The following PARD3 variants were observed in gnomAD, a reference collection of about 807,000 sequenced individuals.
The protein encoded by PARD3 is partitioning defective 3 homolog.
In PARD3, 75 loss-of-function variants were observed where a neutral mutation model predicts 155.4. The observed-to-expected ratio is 0.48, with a 90% CI of 0.40 to 0.58. The LOEUF (loss-of-function observed/expected upper bound fraction) is 0.58, where lower values mean the gene tolerates loss of function less well. Ranked by LOEUF, PARD3 falls within the 20% of genes least tolerant of loss-of-function variation. The probability of loss-of-function intolerance (pLI) is 0.00; values close to 1 mark genes in which losing one functional copy is unlikely to be tolerated. For missense variants in PARD3, 1,642 were observed against 1,721.7 expected, an observed-to-expected ratio of 0.95 and a Z score of 0.82; for synonymous variants, 576 against 610.5, an observed-to-expected ratio of 0.94 and a Z score of 0.83.
chr10:34,774,761 CAT>C (rs1422330662), intron 1 of PARD3, among the ~76,000 whole-genome samples: 4 of 152,308 alleles, frequency 2.6e-5, no homozygotes, highest in East Asian at 1.9e-4. Context: ...CCTGCATGCA[CAT>C]ATGTCATTGC....
At chr10:34,442,290 C>A (rs1342788571) in intron 5 of PARD3, among the ~76,000 whole-genome samples, 3 of 152,200 alleles carry the variant, frequency 2.0e-5, no homozygotes, top group Non-Finnish European at 4.4e-5. Flanking sequence ...TTAAGTCTCA[C>A]CAATGATGGC....
chr10:34,448,130 A>G (rs927733074), intron 5 of PARD3, among the ~76,000 whole-genome samples: 1 of 121,704 alleles, frequency 8.2e-6, no homozygotes, highest in Non-Finnish European at 1.7e-5. Context: ...TGTGATATAC[A>G]CTGCGTGTGT....
chr10:34,125,278 G>T (rs543889859), intron 23 of PARD3, among the ~76,000 whole-genome samples: 1 of 152,150 alleles, frequency 6.6e-6, no homozygotes, highest in East Asian at 1.9e-4. Context: ...TGTTGGCCAG[G>T]CTGGTCTTGA....
intron 22 of PARD3, among the ~76,000 whole-genome samples, chr10:34,179,716 C>A (rs1272522608): frequency 2.0e-5 from 3 of 152,090 alleles, no homozygotes; most frequent in African/African-American, 4.8e-5. Flanking sequence ...CATGCATATT[C>A]AGGTTTATGA....
At chr10:34,557,346 A>T (rs1041606219) in intron 2 of PARD3, among the ~76,000 whole-genome samples, 10 of 152,144 alleles carry the variant, frequency 6.6e-5, no homozygotes, top group Non-Finnish European at 1.5e-4. Context: ...ATCAAACAGA[A>T]TAACTAGAAA....
intron 2 of PARD3, among the ~76,000 whole-genome samples, chr10:34,569,150 T>C (rs1051336084): frequency 2.6e-5 from 4 of 152,136 alleles, no homozygotes; most frequent in African/African-American, 4.8e-5. Flanking sequence ...CAGACAACAT[T>C]AGCCAAATAC....
At chr10:34,806,634 C>T (rs114598512) in intron 1 of PARD3, among the ~76,000 whole-genome samples, 3 of 152,210 alleles carry the variant, frequency 2.0e-5, no homozygotes, top group African/African-American at 7.2e-5. Flanking sequence ...CCCAGCCAAC[C>T]CTAAGCAAAA....
At chr10:34,247,254 C>T (rs1396863905) in intron 22 of PARD3, among the ~76,000 whole-genome samples, 1 of 152,172 alleles carries the variant, frequency 6.6e-6, no homozygotes, top group Non-Finnish European at 1.5e-5. Context: ...GTAATCCCAG[C>T]ACTGTGGGAG....
intron 22 of PARD3, among the ~76,000 whole-genome samples, chr10:34,141,207 T>C (rs1948171649): frequency 6.6e-6 from 1 of 152,218 alleles, no homozygotes; most frequent in Non-Finnish European, 1.5e-5. Context: ...TATGTATACA[T>C]GTGAAATTAA....
At chr10:34,225,684 T>C (rs1453979582) in intron 22 of PARD3, among the ~76,000 whole-genome samples, 1 of 152,148 alleles carries the variant, frequency 6.6e-6, no homozygotes, top group Non-Finnish European at 1.5e-5. Flanking sequence ...AACATACACA[T>C]GCGAGCAAGA....
chr10:34,752,943 G>A (rs1422117190), intron 1 of PARD3, among the ~76,000 whole-genome samples: 1 of 140,092 alleles, frequency 7.1e-6, no homozygotes, highest in Non-Finnish European at 1.6e-5. Context: ...CAAAGTCTGA[G>A]TGGAAATTCT....
chr10:34,346,328 T>C (rs1837421099), intron 15 of PARD3: 14 of 1,270,444 alleles, frequency 1.1e-5, no homozygotes, highest in Non-Finnish European at 1.4e-5. Context: ...AGGGATTTTT[T>C]TGGTTTGAGT....
chr10:34,668,072 G>C (rs976974114), intron 2 of PARD3, among the ~76,000 whole-genome samples: 12 of 152,028 alleles, frequency 7.9e-5, no homozygotes, highest in African/African-American at 2.7e-4. Flanking sequence ...TGGTCAAGGT[G>C]GAAAAATAAG....
chr10:34,546,136 T>G (rs1399826859), intron 2 of PARD3, among the ~76,000 whole-genome samples: 1 of 152,198 alleles, frequency 6.6e-6, no homozygotes, highest in Non-Finnish European at 1.5e-5. Context: ...TACCAACATA[T>G]AGTAACTATT....
intron 3 of PARD3, among the ~76,000 whole-genome samples, chr10:34,472,744 T>C (rs2078436863): frequency 1.3e-5 from 2 of 152,156 alleles, no homozygotes; most frequent in Admixed American, 6.5e-5. Flanking sequence ...CCAATATCTA[T>C]AGTAAAATAA....
rs1946319275 is a variant in PARD3, at chr10:34,109,799, A to G, written c.*1370T>C. On this transcript the variant is annotated 3_prime_UTR_variant, in exon 25 of 25. Transcript: ENST00000374788. ...TTTCTAAAAACAAGTCAACACAAAA[A>G]TACAATGTGCCAATAAAAAAAAAAT... The G allele has an allele frequency of 6.6e-6, 1 of 152,164 alleles. No individual in the cohort carries two copies. The highest frequency in any genetic ancestry group is 1.5e-5 in the Non-Finnish European group (1 of 67,994). The allele number at this position is 152,164 out of a possible 1,614,324, so 9.4% of individuals were successfully genotyped here. A position where few individuals can be genotyped will look rare whatever the true frequency, so the allele number is the denominator to read the frequency against.
chr10:34,341,623 T>TAA lies in PARD3; in HGVS notation c.2408+3_2408+4insTT. On this transcript the variant is annotated splice_donor_region_variant and intron_variant, in intron 16 of 24. Transcript: ENST00000374788. ...TGTTTTCCAACCCTGGACGATGAGCTTACCAGTCGGCTGAATCACTGATTG... is the reference window on the plus strand; with the variant it reads ...TGTTTTCCAACCCTGGACGATGAGCTAATACCAGTCGGCTGAATCACTGATTG... 1 of 1,609,862 alleles carries TAA rather than the reference T, an allele frequency of 6.2e-7. No individual in the cohort carries two copies. Among genetic ancestry groups the TAA allele is most frequent in the Non-Finnish European group, 8.5e-7 (1 of 1,178,140 alleles).
intron 2 of PARD3, among the ~76,000 whole-genome samples, chr10:34,611,803 C>A (rs1378319714): frequency 1.5e-5 from 2 of 137,600 alleles, no homozygotes; most frequent in African/African-American, 5.6e-5. Flanking sequence ...TGATACATTT[C>A]TTTCTTTTTT....
At chr10:34,668,393 A>C (rs1017440808) in intron 2 of PARD3, among the ~76,000 whole-genome samples, 1 of 152,206 alleles carries the variant, frequency 6.6e-6, no homozygotes, top group South Asian at 2.1e-4. Flanking sequence ...TGCTCAGTGC[A>C]ACTGAATCAT....
Sources: allele counts gnomAD v4.1 joint callset (sites outside exome capture counted in the v4.1 genomes callset), GRCh38; gene constraint gnomAD v4.1.1; transcripts MANE v1.5; gene names NCBI Gene and HGNC (gene_info 2026-07-23, HGNC 2026-07-21).